MICU2: variants seen among roughly 807,000 people sequenced by gnomAD.
The protein encoded by MICU2 is mitochondrial calcium uptake 2, also known as calcium uptake protein 2, mitochondrial.
In MICU2, 64 loss-of-function variants were observed where a neutral mutation model predicts 60.4. The observed-to-expected ratio is 1.06, with a 90% CI of 0.87 to 1.31. The LOEUF is 1.31. MICU2 is among the 50% of genes most tolerant of loss of function. MICU2 has a pLI of 0.00. For synonymous variants in MICU2, 201 were observed against 175.0 expected (o/e 1.15, Z -1.17); for missense variants, 569 against 531.0 (o/e 1.07, Z -0.70).
At chr13:21,513,512 CG>C (rs1300094943) in intron 7 of MICU2, among the ~76,000 whole-genome samples, 7 of 151,760 alleles carry the variant, frequency 4.6e-5, no homozygotes, top group African/African-American at 1.7e-4. Context: ...CCGAAGCGGG[CG>C]GATCACCTGA....
chr13:21,493,421 T>TAC (rs1885911748), intron 11 of MICU2, 68 bp from the exon 12 acceptor site: 1 of 1,081,384 alleles, frequency 9.2e-7, no homozygotes, highest in Non-Finnish European at 1.3e-6. Context: ...ATATATACTT[T>TAC]ACGTTACTGT....
chr13:21,554,356 T>G (rs1200048), intron 2 of MICU2, among the ~76,000 whole-genome samples: 3 of 151,888 alleles, frequency 2.0e-5, no homozygotes. Flanking sequence ...TGCAATCAAA[T>G]TAGAACTCTG....
chr13:21,503,126 G>C (rs761223512), intron 8 of MICU2, 29 bp from the exon 9 acceptor site: 1 of 1,518,340 alleles, frequency 6.6e-7, no homozygotes, highest in Admixed American at 1.9e-5. Context: ...AATTAGTAAG[G>C]TAACTAGTGG....
chr13:21,603,494 T>C (rs939485482), intron 1 of MICU2: 4 of 171,932 alleles, frequency 2.3e-5, no homozygotes, highest in Non-Finnish European at 4.9e-5. Flanking sequence ...TAAAACTTAG[T>C]TGCAAAGCTT....
chr13:21,604,160 C>G lies in MICU2; in HGVS notation c.-12G>C. 3 of 1,540,248 alleles carry G rather than the reference C, an allele frequency of 1.9e-6. No homozygotes were observed. Among genetic ancestry groups the G allele is most frequent in the Non-Finnish European group, 2.6e-6 (3 of 1,147,214 alleles). ...GCAGCCGCCGCCATCTTTGCGGAAG[C>G]GCAGCTAGGCGGCGCTTCTCTCCCG... is the stretch of plus-strand genomic sequence containing the variant. On this transcript the variant is annotated 5_prime_UTR_variant, in exon 1 of 12. Transcript: ENST00000382374.
At chr13:21,530,052 G>A (rs187625812) in intron 4 of MICU2, among the ~76,000 whole-genome samples, 6 of 152,254 alleles carry the variant, frequency 3.9e-5, no homozygotes, top group East Asian at 3.9e-4. Flanking sequence ...TACTTCTAAC[G>A]CTTCCCAATT....
intron 2 of MICU2, among the ~76,000 whole-genome samples, chr13:21,564,554 T>C (rs1887928600): frequency 6.6e-6 from 1 of 152,146 alleles, no homozygotes; most frequent in Non-Finnish European, 1.5e-5. Context: ...TGTGTGACTG[T>C]GAAGGGATGT....
At chr13:21,513,916 T>C (rs1886496953) in intron 7 of MICU2, among the ~76,000 whole-genome samples, 1 of 152,122 alleles carries the variant, frequency 6.6e-6, no homozygotes, top group South Asian at 2.1e-4. Context: ...TCTGGAAGAA[T>C]ACACAAGAAA....
intron 2 of MICU2, among the ~76,000 whole-genome samples, chr13:21,541,784 A>C (rs1887288727): frequency 6.6e-6 from 1 of 152,186 alleles, no homozygotes; most frequent in Non-Finnish European, 1.5e-5. Flanking sequence ...ATAATTATGC[A>C]TGGTACGATT....
chr13:21,504,544 C>A (rs1189270914), intron 8 of MICU2, among the ~76,000 whole-genome samples: 1 of 152,050 alleles, frequency 6.6e-6, no homozygotes, highest in Non-Finnish European at 1.5e-5. Flanking sequence ...CCCTTTAAGC[C>A]TAAAATCATA....
intron 2 of MICU2, among the ~76,000 whole-genome samples, chr13:21,547,625 T>C (rs1489583856): frequency 2.0e-5 from 3 of 152,192 alleles, no homozygotes; most frequent in Admixed American, 6.5e-5. Context: ...ATTATTTCAT[T>C]ATGTAAGAGT....
At chr13:21,547,945 T>C (rs1052432768) in intron 2 of MICU2, among the ~76,000 whole-genome samples, 2 of 152,178 alleles carry the variant, frequency 1.3e-5, no homozygotes, top group Non-Finnish European at 2.9e-5. Context: ...AAAATCAGTG[T>C]TCAGGGAACA....
At chr13:21,592,170 G>A (rs1480045317) in intron 1 of MICU2, among the ~76,000 whole-genome samples, 1 of 152,006 alleles carries the variant, frequency 6.6e-6, no homozygotes, top group East Asian at 1.9e-4. Context: ...AATGAAAAAT[G>A]ATAAAGGGGA....
chr13:21,494,976 T>C (rs903210129), intron 11 of MICU2, among the ~76,000 whole-genome samples, 185 bp downstream of exon 11: 1 of 152,186 alleles, frequency 6.6e-6, no homozygotes, highest in Non-Finnish European at 1.5e-5. Context: ...AGATTCACAT[T>C]ATTTTTTAAA....
chr13:21,545,652 G>C (rs1252355674), intron 2 of MICU2, among the ~76,000 whole-genome samples: 1 of 151,218 alleles, frequency 6.6e-6, no homozygotes, highest in Non-Finnish European at 1.5e-5. Flanking sequence ...CTGCACTCCA[G>C]CAAGAGCGAA....
At chr13:21,523,573 T>C (rs1462493325) in intron 4 of MICU2, among the ~76,000 whole-genome samples, 1 of 152,236 alleles carries the variant, frequency 6.6e-6, no homozygotes, top group Admixed American at 6.5e-5. Flanking sequence ...GTCTCAAATA[T>C]GCAGTTTGGG....
At chr13:21,570,054 C>A (rs189452018) in intron 1 of MICU2, among the ~76,000 whole-genome samples, 5 of 152,142 alleles carry the variant, frequency 3.3e-5, no homozygotes, top group Non-Finnish European at 7.4e-5. Flanking sequence ...TAAATAACAA[C>A]AGAACTAGAA....
At chr13:21,596,676 G>A (rs1250370799) in intron 1 of MICU2, among the ~76,000 whole-genome samples, 1 of 152,048 alleles carries the variant, frequency 6.6e-6, no homozygotes, top group African/African-American at 2.4e-5. Flanking sequence ...CACCCGCCTC[G>A]GCCTCCCAAA....
At chr13:21,529,872 G>A (rs771956815) in intron 4 of MICU2, among the ~76,000 whole-genome samples, 2 of 152,166 alleles carry the variant, frequency 1.3e-5, no homozygotes, top group Non-Finnish European at 2.9e-5. Context: ...CTAGAATGTG[G>A]TACAGTAGAT....
Sources: allele counts gnomAD v4.1 joint callset (sites outside exome capture counted in the v4.1 genomes callset), GRCh38; gene constraint gnomAD v4.1.1; transcripts MANE v1.5; gene names NCBI Gene and HGNC (gene_info 2026-07-23, HGNC 2026-07-21).